PPP2R2C: variants seen among roughly 807,000 people sequenced by gnomAD.
PPP2R2C encodes the protein protein phosphatase 2, regulatory subunit B, gamma.
PPP2R2C carries 10 observed loss-of-function variants against 45.3 expected under a neutral mutation model. The ratio of observed to expected loss-of-function variants is 0.22; its 90% CI spans 0.14 to 0.37. The LOEUF (loss-of-function observed/expected upper bound fraction) is 0.37. PPP2R2C is among the 10% of genes least tolerant of loss of function. PPP2R2C has a pLI of 1.00. For missense variants in PPP2R2C, 308 were observed against 619.7 expected (o/e 0.50, Z 5.34); for synonymous variants, 257 against 245.4 (o/e 1.05, Z -0.44).
intron 1 of PPP2R2C, among the ~76,000 whole-genome samples, chr4:6,405,163 C>A (rs1408102366): frequency 6.6e-6 from 1 of 152,224 alleles, no homozygotes; most frequent in Non-Finnish European, 1.5e-5. Context: ...CACAGCCCCC[C>A]TGGAAGGTAG....
At chr4:6,387,748 G>A (rs927150450) in intron 1 of PPP2R2C, among the ~76,000 whole-genome samples, 14 of 151,550 alleles carry the variant, frequency 9.2e-5, no homozygotes, top group African/African-American at 3.2e-4. Flanking sequence ...GAGAGGTGGT[G>A]GAGGTTGCAA....
At chr4:6,375,472 G>A (rs1418675165) in intron 4 of PPP2R2C, among the ~76,000 whole-genome samples, 1 of 152,126 alleles carries the variant, frequency 6.6e-6, no homozygotes, top group African/African-American at 2.4e-5. Context: ...ACTCAGCTGA[G>A]CAGTTTTAGG....
rs1290998954 is a variant in PPP2R2C at position 6,347,826 on chromosome 4, C to G, written c.790+20G>C. On this transcript the variant is annotated intron_variant, in intron 6 of 8. Coordinates refer to ENST00000382599, the MANE Select transcript of PPP2R2C (RefSeq NM_020416.4). The stretch of plus-strand genomic sequence containing the variant: ...GCCTGCCCAATGCACAGCCCCCCAC[C>G]CCCAGGCACCGGCACTTACGCTTGG... 1.3e-6 allele frequency: 2 copies of G among 1,593,462 alleles called. No individual in the cohort carries two copies. The highest frequency in any genetic ancestry group is 1.1e-5 in the South Asian group (1 of 89,060).
In PPP2R2C at chr4:6,330,585, G is replaced by A. The variant is rs1577069822; in HGVS notation, c.961-1232C>T. Among the ~76,000 whole-genome samples, 4 of 152,196 alleles carry A rather than the reference G, an allele frequency of 2.6e-5. No homozygotes were observed. The South Asian group carries it at 6.2e-4, about 24-fold the overall frequency. Reference sequence around the variant, plus strand: ...TCCGCTAACAGATGCGTGTGGGCTCGCATAGTCACTCTCCCCTGGGTCACC... The same window carrying A: ...TCCGCTAACAGATGCGTGTGGGCTCACATAGTCACTCTCCCCTGGGTCACC... On this transcript the variant is annotated intron_variant, in intron 7 of 8. Coordinates refer to ENST00000382599, the MANE Select transcript of PPP2R2C (RefSeq NM_020416.4). This position sits in a 1 kb window ranked among gnomAD's most constrained non-coding sequence, Gnocchi z 7.0.
chr4:6,534,210 C>T (rs913825336), intron 2 of PPP2R2C, among the ~76,000 whole-genome samples: 1 of 147,480 alleles, frequency 6.8e-6, no homozygotes, highest in Non-Finnish European at 1.5e-5. Flanking sequence ...CACACCAACA[C>T]ATACACATAT....
intron 1 of PPP2R2C, among the ~76,000 whole-genome samples, chr4:6,560,797 G>A (rs1324511329): frequency 2.0e-5 from 3 of 152,238 alleles, no homozygotes; most frequent in Non-Finnish European, 1.5e-5. Context: ...TTGAATGTGT[G>A]TTTCCTAAGC....
intron 1 of PPP2R2C, among the ~76,000 whole-genome samples, chr4:6,537,675 C>T (rs534368526): frequency 8.6e-5 from 13 of 151,720 alleles, no homozygotes; most frequent in South Asian, 6.3e-4. Flanking sequence ...CTCAGCCTTC[C>T]GAGTAGCTGG....
intron 2 of PPP2R2C, among the ~76,000 whole-genome samples, chr4:6,512,681 T>A (rs1161700410): frequency 6.7e-6 from 1 of 148,556 alleles, no homozygotes; most frequent in African/African-American, 2.5e-5. Context: ...GTGGTGGTGA[T>A]ACTGGTGGTG....
chr4:6,387,025 A>G (rs1483556619), intron 1 of PPP2R2C, among the ~76,000 whole-genome samples: 2 of 152,188 alleles, frequency 1.3e-5, no homozygotes, highest in African/African-American at 2.4e-5. Context: ...CTTGAAGATG[A>G]TTTCAATAGA....
chr4:6,359,761 G>A (rs1713562902), intron 5 of PPP2R2C, among the ~76,000 whole-genome samples: 1 of 152,132 alleles, frequency 6.6e-6, no homozygotes, highest in Admixed American at 6.5e-5. Flanking sequence ...AGGAGCCATG[G>A]CAGCTAAGCT....
chr4:6,542,203 C>T (rs1724821866), intron 1 of PPP2R2C, among the ~76,000 whole-genome samples: 1 of 152,126 alleles, frequency 6.6e-6, no homozygotes, highest in African/African-American at 2.4e-5. Context: ...ACAATAACCC[C>T]TGGAGATCTG....
chr4:6,463,821 T>C (rs1213271874), intron 1 of PPP2R2C, among the ~76,000 whole-genome samples: 2 of 152,228 alleles, frequency 1.3e-5, no homozygotes, highest in East Asian at 1.9e-4. Context: ...GCCATCTACC[T>C]GTGCCGTGAA....
intron 1 of PPP2R2C, among the ~76,000 whole-genome samples, chr4:6,542,421 G>A (rs993180375): frequency 2.0e-5 from 3 of 152,178 alleles, no homozygotes; most frequent in Admixed American, 6.5e-5. Flanking sequence ...ATGGTTGGGC[G>A]CGGTGGCTCA....
upstream of PPP2R2C, among the ~76,000 whole-genome samples, chr4:6,476,105 A>G (rs1192219357): frequency 6.6e-6 from 1 of 152,190 alleles, no homozygotes; most frequent in Non-Finnish European, 1.5e-5. Context: ...GGGAGGAAGT[A>G]CATTTCTGTT....
At chr4:6,382,231 G>A in intron 1 of PPP2R2C, 1 of 1,208,648 alleles carries the variant, frequency 8.3e-7, no homozygotes, top group South Asian at 1.5e-5. Flanking sequence ...AAGCTAGTAG[G>A]AGCCCGGGAT....
intron 1 of PPP2R2C, among the ~76,000 whole-genome samples, chr4:6,412,395 G>T (rs1718249782): frequency 6.6e-6 from 1 of 152,136 alleles, no homozygotes; most frequent in South Asian, 2.1e-4. Context: ...TGAGAAAAAT[G>T]AGACCCTGGA....
At chr4:6,555,808 GC>G (rs58677325) in intron 1 of PPP2R2C, 144,840 of 152,278 alleles carry the variant, frequency 0.95, 69,284 homozygotes, top group East Asian at 1. Flanking sequence ...GAACCAACCT[GC>G]CCCCCGGGTG....
chr4:6,330,309 A>T lies in PPP2R2C; in HGVS notation c.961-956T>A, dbSNP rs1343282103. 6.6e-6 allele frequency among the ~76,000 whole-genome samples: 1 copy of T among 152,222 alleles called. No homozygotes were observed. The highest frequency in any genetic ancestry group is 2.4e-5 in the African/African-American group (1 of 41,456). On this transcript the variant is annotated intron_variant, in intron 7 of 8. Transcript: ENST00000382599. The surrounding 1 kb of genome is among the most constrained non-coding windows in gnomAD (Gnocchi z 7.0). ...ATGGAGCCTGGTTTCAACTCCCAGGAGTTGAAATTAACAACTCCAACGAAC... is the reference window on the plus strand; with the variant it reads ...ATGGAGCCTGGTTTCAACTCCCAGGTGTTGAAATTAACAACTCCAACGAAC...
intron 1 of PPP2R2C, among the ~76,000 whole-genome samples, chr4:6,455,081 T>C (rs1250055186): frequency 2.0e-5 from 3 of 152,182 alleles, no homozygotes; most frequent in African/African-American, 7.2e-5. Flanking sequence ...CAATCCTTTG[T>C]TGTAAGCAAG....
Sources: allele counts gnomAD v4.1 joint callset (sites outside exome capture counted in the v4.1 genomes callset), GRCh38; gene constraint gnomAD v4.1.1; non-coding constraint Gnocchi (gnomAD v3.1); transcripts MANE v1.5; gene names NCBI Gene and HGNC (gene_info 2026-07-23, HGNC 2026-07-21).